Variants in ASPH observed in about 807,000 individuals in gnomAD.
The protein encoded by ASPH is aspartyl/asparaginyl beta-hydroxylase.
In ASPH, 100 loss-of-function variants were observed where a neutral mutation model predicts 118.4. That is an observed-to-expected ratio of 0.84 (90% confidence interval 0.72 to 1.00). ASPH has a LOEUF of 1.00. Ranked by LOEUF, ASPH falls within the 50% of genes least tolerant of loss-of-function variation. The pLI is 0.00. For synonymous variants in ASPH, 315 were observed against 325.6 expected (o/e 0.97, Z 0.35); for missense variants, 920 against 919.5 (o/e 1.00, Z -0.01).
intron 14 of ASPH, among the ~76,000 whole-genome samples, chr8:61,608,935 G>C (rs1376735279): frequency 6.6e-6 from 1 of 152,192 alleles, no homozygotes; most frequent in East Asian, 1.9e-4. Flanking sequence ...GGCAGGTAGG[G>C]GTGGGAAATG....
chr8:61,567,381 A>T lies in ASPH; in HGVS notation c.1150-63T>A, dbSNP rs143010594. The T allele has an allele frequency of 1.7e-4, 245 of 1,469,374 alleles. No homozygotes were observed. In the African/African-American group the frequency reaches 2.9e-3, roughly 17 times the overall value. The allele number at this position is 1,469,374 out of a possible 1,614,324, so 91.0% of individuals were successfully genotyped here. On this transcript the variant is annotated intron_variant, in intron 16 of 24. Transcript: ENST00000379454. ...CTAGCTGTGTTTGTAATTACCCAAA[A>T]TATTCATAAAAAGTTAACTTTTGGA...
chr8:61,570,467 T>C (rs955016638), intron 16 of ASPH, among the ~76,000 whole-genome samples: 1 of 152,206 alleles, frequency 6.6e-6, no homozygotes, highest in African/African-American at 2.4e-5. Flanking sequence ...TCCTTCTTTA[T>C]TGAGATTGGA....
At chr8:61,603,897 T>C (rs1027891511) in intron 14 of ASPH, among the ~76,000 whole-genome samples, 8 of 152,260 alleles carry the variant, frequency 5.3e-5, no homozygotes, top group African/African-American at 1.7e-4. Context: ...GAACTGACTC[T>C]TGAGGCACAG....
At chr8:61,584,824 G>C (rs1838839597) in intron 14 of ASPH, among the ~76,000 whole-genome samples, 1 of 151,700 alleles carries the variant, frequency 6.6e-6, no homozygotes, top group Admixed American at 6.6e-5. Context: ...CATTTCTTAT[G>C]CTACCTCATT....
intron 14 of ASPH, among the ~76,000 whole-genome samples, chr8:61,599,954 G>T (rs1438385846): frequency 5.3e-5 from 8 of 151,922 alleles, no homozygotes; most frequent in Non-Finnish European, 1.2e-4. Context: ...ACACAACAAC[G>T]ACAACAAGAA....
At chr8:61,676,939 C>G (rs559189790) in intron 3 of ASPH, among the ~76,000 whole-genome samples, 1 of 152,058 alleles carries the variant, frequency 6.6e-6, no homozygotes, top group Admixed American at 6.6e-5. Context: ...AATTATGTAA[C>G]TCAGATAATT....
At chr8:61,512,285 A>G (rs1030714722) in intron 24 of ASPH, among the ~76,000 whole-genome samples, 1 of 152,210 alleles carries the variant, frequency 6.6e-6, no homozygotes, top group Non-Finnish European at 1.5e-5. Flanking sequence ...TGCAGATTGA[A>G]TTAAGTTAAG....
At position 61,646,743 on chromosome 8, in the gene ASPH, G is replaced by T. The variant is rs1808190684; in HGVS notation, c.619+7C>A. ...TTATCCTAAAACTTGAAAAAAAAGT[G>T]TTCTACCTTCATGAGATACTTCAGG... On this transcript the variant is annotated splice_region_variant and intron_variant, in intron 6 of 24. Transcript: ENST00000379454. The T allele has an allele frequency of 6.8e-6, 11 of 1,609,176 alleles. No homozygotes were observed. The highest frequency in any genetic ancestry group is 8.5e-6 in the Non-Finnish European group (10 of 1,177,908).
At chr8:61,713,026 TTAAG>T (rs915880281) in intron 1 of ASPH, among the ~76,000 whole-genome samples, 4 of 152,246 alleles carry the variant, frequency 2.6e-5, no homozygotes, top group African/African-American at 7.2e-5. Context: ...CTCTGCAGGT[TTAAG>T]TAAGTGACAT....
At position 61,642,890 on chromosome 8, in the gene ASPH, T is replaced by C; in HGVS notation, c.788A>G (p.Gln263Arg). The C allele has an allele frequency of 6.4e-7, 1 of 1,552,966 alleles. No homozygotes were observed. Among genetic ancestry groups the C allele is most frequent in the Non-Finnish European group, 8.6e-7 (1 of 1,159,040 alleles). ...AAAAAAAGAAAGCATTTGCAAACCT[T>C]GTTCCTCATAGACTTGGTATGTTAC... ...DDVTYQVYEE[Q>R]AVYEPLENEG... Residue 263 changes from glutamine to arginine, a missense_variant and splice_region_variant, in exon 10 of 25, where the codon CAA becomes CGA. Transcript: ENST00000379454.
chr8:61,576,701 A>G, intron 16 of ASPH, 71 bp downstream of exon 16: 1 of 1,312,660 alleles, frequency 7.6e-7, no homozygotes, highest in South Asian at 1.4e-5. Flanking sequence ...AATAGTGAGG[A>G]GTAAAAAATT....
Position 61,638,381 on chromosome 8 carries a change from G to C in ASPH, c.791-18C>G, listed in dbSNP as rs769423421. 6.4e-5 allele frequency: 92 copies of C among 1,432,856 alleles called. No homozygotes were observed. The East Asian group carries it at 2.0e-3, about 31-fold the overall frequency. The allele number at this position is 1,432,856 out of a possible 1,614,324, so 88.8% of individuals were successfully genotyped here. A position where few individuals can be genotyped will look rare whatever the true frequency, so the allele number is the denominator to read the frequency against. ...ATATACTGCTAAAAAAAAAAAAACA[G>C]AAACAAAATCCCGTAACTTTCATTG... On this transcript the variant is annotated intron_variant, in intron 10 of 24. Transcript: ENST00000379454.
intron 21 of ASPH, among the ~76,000 whole-genome samples, chr8:61,527,709 C>T (rs2129627972): frequency 6.6e-6 from 1 of 152,094 alleles, no homozygotes; most frequent in South Asian, 2.1e-4. Flanking sequence ...ATGACAAAGG[C>T]CAAAACTGCA....
chr8:61,551,674 C>G (rs772329601), intron 20 of ASPH, among the ~76,000 whole-genome samples: 2 of 152,158 alleles, frequency 1.3e-5, no homozygotes, highest in African/African-American at 2.4e-5. Flanking sequence ...TTGCCCTGGA[C>G]TCTGAAATGT....
chr8:61,643,171 C>T (rs1398488022), intron 9 of ASPH, among the ~76,000 whole-genome samples: 1 of 152,110 alleles, frequency 6.6e-6, no homozygotes, highest in African/African-American at 2.4e-5. Flanking sequence ...AATTTGACAT[C>T]CTGTTTTGTT....
intron 5 of ASPH, among the ~76,000 whole-genome samples, chr8:61,650,586 A>G (rs1196614802): frequency 1.3e-5 from 2 of 152,214 alleles, no homozygotes; most frequent in African/African-American, 4.8e-5. Flanking sequence ...AAGTACTGGG[A>G]AAATGTTTTG....
At position 61,690,824 on chromosome 8, in the gene ASPH, T is replaced by C. The variant is rs936777822; in HGVS notation, c.104-6636A>G. Among the ~76,000 whole-genome samples, 6 of 152,080 alleles carry C rather than the reference T, an allele frequency of 3.9e-5. No homozygotes were observed. In the South Asian group the frequency reaches 1.0e-3, roughly 26 times the overall value. On this transcript the variant is annotated intron_variant, in intron 1 of 24. Coordinates refer to ENST00000379454, the MANE Select transcript of ASPH (RefSeq NM_004318.4). ...ATTTCTTCTGGAAGAAAAAATGAAA[T>C]TCTTGTTAAAAGGATATGCACATTT...
intron 21 of ASPH, among the ~76,000 whole-genome samples, chr8:61,527,899 A>G (rs895551450): frequency 6.6e-6 from 1 of 152,226 alleles, no homozygotes; most frequent in Non-Finnish European, 1.5e-5. Flanking sequence ...GTTGTTTTCA[A>G]AAACTGTTCT....
intron 14 of ASPH, among the ~76,000 whole-genome samples, chr8:61,595,894 C>G (rs111675028): frequency 1.3e-5 from 2 of 152,192 alleles, no homozygotes; most frequent in African/African-American, 4.8e-5. Flanking sequence ...GCCCACTCAG[C>G]CTGTCACTGC....
Sources: gnomAD v4.1 joint callset for allele counts (sites outside exome capture counted in the v4.1 genomes callset) on GRCh38, gnomAD v4.1.1 for gene constraint, MANE v1.5 for transcripts, NCBI Gene and HGNC (gene_info 2026-07-23, HGNC 2026-07-21) for gene names.